SEM1: variants seen among roughly 807,000 people sequenced by gnomAD.
The protein encoded by SEM1 is SEM1 26S proteasome subunit, also known as 26S proteasome complex subunit SEM1.
A neutral mutation model predicts 12.7 loss-of-function variants in SEM1; 3 were observed. The observed-to-expected ratio is 0.24, with a 90% CI of 0.11 to 0.61. SEM1 has a LOEUF of 0.61. Ranked by LOEUF, SEM1 falls within the 20% of genes least tolerant of loss-of-function variation. The pLI is 0.88. For missense variants in SEM1, 59 were observed against 81.3 expected, an observed-to-expected ratio of 0.73 and a Z score of 1.06; for synonymous variants, 30 against 27.8, an observed-to-expected ratio of 1.08 and a Z score of -0.25.
At chr7:96,567,302 A>G (rs1805870991) in intron 2 of SEM1, among the ~76,000 whole-genome samples, 1 of 151,340 alleles carries the variant, frequency 6.6e-6, no homozygotes, top group Non-Finnish European at 1.5e-5. Context: ...CTCGTATTAC[A>G]TTTTATCATT....
intron 2 of SEM1, 24 bp from the exon 3 acceptor site, chr7:96,688,990 C>T (rs1215233343): frequency 4.9e-6 from 7 of 1,424,016 alleles, no homozygotes; most frequent in Non-Finnish European, 5.9e-6. Context: ...GAAAGAACAT[C>T]ACTAGGTATT....
chr7:96,634,487 G>A (rs2116355201), intron 2 of SEM1, among the ~76,000 whole-genome samples: 1 of 151,508 alleles, frequency 6.6e-6, no homozygotes, highest in East Asian at 1.9e-4. Flanking sequence ...ATACAACAGT[G>A]AATATGGTAG....
intron 2 of SEM1, among the ~76,000 whole-genome samples, chr7:96,578,776 A>C (rs1055854297): frequency 6.6e-6 from 1 of 152,214 alleles, no homozygotes; most frequent in South Asian, 2.1e-4. Context: ...AAATGCTGCT[A>C]ATTAATGCTA....
At chr7:96,686,134 C>T (rs544734028), downstream of SEM1, among the ~76,000 whole-genome samples, 10 of 152,164 alleles carry the variant, frequency 6.6e-5, 1 homozygote, top group South Asian at 1.7e-3. Flanking sequence ...ATAAACAGGC[C>T]TCTCCTCCCT....
chr7:96,617,921 C>T (rs1471708155), downstream of SEM1, among the ~76,000 whole-genome samples: 2 of 151,994 alleles, frequency 1.3e-5, no homozygotes, highest in East Asian at 1.9e-4. Context: ...CTGTTGGATT[C>T]GAATTGCTAG....
chr7:96,665,850 T>G (rs1159636335), intron 2 of SEM1, among the ~76,000 whole-genome samples: 1 of 152,168 alleles, frequency 6.6e-6, no homozygotes, highest in African/African-American at 2.4e-5. Context: ...GATAAACATG[T>G]CAACACAGGT....
At chr7:96,610,023 C>T (rs551439507) in intron 2 of SEM1, among the ~76,000 whole-genome samples, 1 of 152,106 alleles carries the variant, frequency 6.6e-6, no homozygotes, top group East Asian at 1.9e-4. Context: ...AGAGCTTTCC[C>T]AGTAATTGTG....
chr7:96,638,756 T>C (rs537122407), intron 2 of SEM1, among the ~76,000 whole-genome samples: 18 of 152,098 alleles, frequency 1.2e-4, no homozygotes, highest in African/African-American at 4.3e-4. Context: ...GGATTCTGAA[T>C]GTTATCACAC....
intron 2 of SEM1, among the ~76,000 whole-genome samples, chr7:96,658,594 TTG>T (rs1809261303): frequency 6.6e-6 from 1 of 152,228 alleles, no homozygotes; most frequent in African/African-American, 2.4e-5. Context: ...TATCCATAAC[TTG>T]TCTCAGTGTT....
At chr7:96,646,756 T>C (rs1196590437) in intron 2 of SEM1, among the ~76,000 whole-genome samples, 1 of 152,190 alleles carries the variant, frequency 6.6e-6, no homozygotes, top group Non-Finnish European at 1.5e-5. Context: ...GATAGCTATG[T>C]GAGATTAAAG....
At chr7:96,617,744 T>C (rs1807764852), downstream of SEM1, among the ~76,000 whole-genome samples, 1 of 152,198 alleles carries the variant, frequency 6.6e-6, no homozygotes, top group African/African-American at 2.4e-5. Context: ...ACTTTTATCA[T>C]AAAGGAATGC....
downstream of SEM1, among the ~76,000 whole-genome samples, chr7:96,668,785 C>T (rs1009915626): frequency 5.3e-5 from 8 of 152,230 alleles, no homozygotes; most frequent in Non-Finnish European, 8.8e-5. Context: ...ACCCCTAGTA[C>T]TTCAGAATGT....
At chr7:96,671,830 G>A (rs1480696735), downstream of SEM1, among the ~76,000 whole-genome samples, 1 of 152,146 alleles carries the variant, frequency 6.6e-6, no homozygotes, top group Non-Finnish European at 1.5e-5. Flanking sequence ...ATTCCTAAAT[G>A]GAAAAACTAG....
intron 1 of SEM1, chr7:96,695,329 C>T (rs1379578026): frequency 1.3e-5 from 2 of 152,790 alleles, no homozygotes. Flanking sequence ...CTGTAAGCCA[C>T]CACTAGTATC....
chr7:96,556,683 C>T (rs930601205), intron 2 of SEM1, among the ~76,000 whole-genome samples: 2 of 115,960 alleles, frequency 1.7e-5, no homozygotes, highest in African/African-American at 3.0e-5. Context: ...AGTCGCTCTT[C>T]TCGAGGAGTA....
At chr7:96,642,109 G>A (rs1808631908) in intron 2 of SEM1, among the ~76,000 whole-genome samples, 1 of 151,846 alleles carries the variant, frequency 6.6e-6, no homozygotes, top group Non-Finnish European at 1.5e-5. Context: ...ACATTTCAAG[G>A]GTTCCATAGC....
chr7:96,536,685 TGA>T, intron 2 of SEM1, among the ~76,000 whole-genome samples: 1 of 151,966 alleles, frequency 6.6e-6, no homozygotes, highest in South Asian at 2.1e-4. Context: ...TTGTCCCTCA[TGA>T]TCTTCTTTGT....
At chr7:96,576,757 A>C (rs915713946) in intron 2 of SEM1, among the ~76,000 whole-genome samples, 3 of 152,050 alleles carry the variant, frequency 2.0e-5, no homozygotes, top group Non-Finnish European at 4.4e-5. Context: ...TGCAATTCTG[A>C]ATTCTGTTCT....
At chr7:96,552,414 C>G (rs1805313000) in intron 2 of SEM1, among the ~76,000 whole-genome samples, 1 of 151,486 alleles carries the variant, frequency 6.6e-6, no homozygotes, top group Non-Finnish European at 1.5e-5. Context: ...TTGTTCAATT[C>G]CCACCTATGA....
Sources: allele counts gnomAD v4.1 joint callset (sites outside exome capture counted in the v4.1 genomes callset), GRCh38; gene constraint gnomAD v4.1.1; transcripts MANE v1.5; gene names NCBI Gene and HGNC (gene_info 2026-07-23, HGNC 2026-07-21).